The following USP26 variants were observed in gnomAD, a reference collection of about 807,000 sequenced individuals.
USP26 encodes ubiquitin specific peptidase 26.
For synonymous variants in USP26, 236 were observed against 240.6 expected (o/e 0.98, Z 0.18); for missense variants, 649 against 642.3 (o/e 1.01, Z -0.11).
intron 5 of USP26, among the ~76,000 whole-genome samples, chrX:133,083,478 G>A (rs189152448): frequency 2.0e-4 from 22 of 111,208 alleles, no homozygotes; most frequent in Non-Finnish European, 1.1e-4. Flanking sequence ...GTTGGGTTGT[G>A]GGTTTCCTGA....
At chrX:133,078,941 G>T (rs1363694686) in intron 5 of USP26, among the ~76,000 whole-genome samples, 1 of 112,121 alleles carries the variant, frequency 8.9e-6, no homozygotes, top group South Asian at 3.8e-4. Context: ...CAGGAAGAAA[G>T]AACCTGAAAA....
chrX:133,040,807 C>T, intron 5 of USP26, among the ~76,000 whole-genome samples: 1 of 111,435 alleles, frequency 9.0e-6, no homozygotes, highest in Middle Eastern at 4.7e-3. Context: ...GTTCCATTCT[C>T]CCTGTCACTT....
chrX:133,057,945 T>C, intron 5 of USP26, among the ~76,000 whole-genome samples: 1 of 83,408 alleles, frequency 1.2e-5, no homozygotes, highest in Middle Eastern at 6.0e-3. Context: ...TGGTGCGATC[T>C]TGGCTCACTG....
At position 133,023,312 on chromosome X, in the gene USP26, T is replaced by C. The variant is rs1393617232; in HGVS notation, c.*2167A>G. On this transcript the variant is annotated 3_prime_UTR_variant, in exon 6 of 6. Transcript: ENST00000511190. ...GATACCCCTACCATCTTCTTCACAT[T>C]TCATTTTGCCCTGCATTTGGAAGTG... Among the ~76,000 whole-genome samples the C allele has an allele frequency of 8.9e-6, 1 of 111,840 alleles. No homozygotes were observed. Among genetic ancestry groups the C allele is most frequent in the Non-Finnish European group, 1.9e-5 (1 of 53,161 alleles).
Position 133,025,710 on chromosome X carries a change from T to C in USP26, c.2511A>G (p.Leu837=), listed in dbSNP as rs2067343319. The change falls in exon 6 of 6, where the codon CTA becomes CTG. Residue 837 remains leucine, a synonymous_variant. Coordinates refer to ENST00000511190, the MANE Select transcript of USP26 (RefSeq NM_031907.3). ...CATCACAGATATAATGGCCTGACTT[T>C]AGAGTCTTCCCAAGATGGCTGACAA... The part of the protein sequence containing the change: ...ISVVSHLGKT[L]KSGHYICDAY... 1 of 1,211,770 alleles carries C rather than the reference T, an allele frequency of 8.3e-7. No individual in the cohort carries two copies. The highest frequency in any genetic ancestry group is 1.1e-6 in the Non-Finnish European group (1 of 895,445).
intron 5 of USP26, among the ~76,000 whole-genome samples, chrX:133,032,495 G>T (rs2067381207): frequency 8.9e-6 from 1 of 112,012 alleles, no homozygotes; most frequent in Non-Finnish European, 1.9e-5. Flanking sequence ...TTTTGTAAAA[G>T]AGCGGGAGAC....
At chrX:133,088,668 T>C (rs146703972) in intron 4 of USP26, among the ~76,000 whole-genome samples, 156 of 112,323 alleles carry the variant, frequency 1.4e-3, no homozygotes, top group African/African-American at 4.7e-3. Flanking sequence ...TTTCTACCTC[T>C]TGGGCTTATC....
rs375953836 is a variant in USP26, at chrX:133,058,053, A to AT, written c.-77+25653dup. Among the ~76,000 whole-genome samples, 252 of 97,899 alleles carry AT rather than the reference A, an allele frequency of 2.6e-3. 2 individuals carry two copies. Among genetic ancestry groups the AT allele is most frequent in the African/African-American group, 8.9e-3 (239 of 26,782 alleles). 85.0% of individuals were successfully genotyped at this position (97,899 alleles called of 115,157 possible). A position where few individuals can be genotyped will look rare whatever the true frequency, so the allele number is the denominator to read the frequency against. On this transcript the variant is annotated intron_variant, in intron 5 of 5. Transcript: ENST00000511190. ...CCACCATGCCTGGCTAATTTTTTGT[A>AT]TTTTTTTTCAGTAGAGACGGGGTTT...
At chrX:133,068,056 G>A (rs2067518154) in intron 5 of USP26, among the ~76,000 whole-genome samples, 4 of 112,197 alleles carry the variant, frequency 3.6e-5, no homozygotes, top group Non-Finnish European at 7.5e-5. Context: ...ATATACCATA[G>A]AATACTATGT....
At position 133,043,836 on chromosome X, in the gene USP26, G is replaced by A. The variant is rs61548764; in HGVS notation, c.-76-15540C>T. ...GGTGGGAGGATCAGTTCAGGAGGCC[G>A]AGGTGGCAGTGAGCCGTGATTGCAC... is the stretch of plus-strand genomic sequence containing the variant. On this transcript the variant is annotated intron_variant, in intron 5 of 5. Coordinates refer to ENST00000511190, the MANE Select transcript of USP26 (RefSeq NM_031907.3). 1.2e-3 allele frequency among the ~76,000 whole-genome samples: 130 copies of A among 112,065 alleles called. No homozygotes were observed. In the East Asian group the frequency reaches 0.031, roughly 26 times the overall value.
At chrX:133,078,609 G>A (rs1003048708) in intron 5 of USP26, among the ~76,000 whole-genome samples, 2 of 111,926 alleles carry the variant, frequency 1.8e-5, no homozygotes, top group Non-Finnish European at 3.8e-5. Context: ...ATTGCACTTA[G>A]GTAGAAAGGC....
chrX:133,051,213 C>T (rs961366353), intron 5 of USP26, among the ~76,000 whole-genome samples: 4 of 111,340 alleles, frequency 3.6e-5, no homozygotes, highest in African/African-American at 1.3e-4. Context: ...AAGACAGACA[C>T]GTTTAGAAGG....
chrX:133,045,423 G>A (rs138148983), intron 5 of USP26, among the ~76,000 whole-genome samples: 3,843 of 111,985 alleles, frequency 0.034, 98 homozygotes, highest in East Asian at 0.1. Flanking sequence ...CAGGCTGCCC[G>A]AGCCAGCAGT....
intron 5 of USP26, among the ~76,000 whole-genome samples, chrX:133,081,599 T>A (rs1296446734): frequency 8.9e-6 from 1 of 112,117 alleles, no homozygotes; most frequent in African/African-American, 3.2e-5. Context: ...CCCGGCTATG[T>A]CACTTTAATA....
At chrX:133,032,229 G>A (rs1395031704) in intron 5 of USP26, among the ~76,000 whole-genome samples, 2 of 111,615 alleles carry the variant, frequency 1.8e-5, no homozygotes, top group Admixed American at 9.5e-5. Flanking sequence ...CAAAGTTAGA[G>A]GAACTGAATT....
intron 5 of USP26, among the ~76,000 whole-genome samples, chrX:133,047,666 G>A (rs745779832): frequency 1.8e-5 from 2 of 111,743 alleles, no homozygotes; most frequent in African/African-American, 6.5e-5. Context: ...GTAGAAGGAG[G>A]TGTGGTTTGG....
chrX:133,046,461 T>C (rs186533679), intron 5 of USP26, among the ~76,000 whole-genome samples: 137 of 112,003 alleles, frequency 1.2e-3, no homozygotes, highest in African/African-American at 4.2e-3. Context: ...AATTTGTCCA[T>C]TGTTTTTAAA....
chrX:133,060,197 G>A (rs899099305), intron 5 of USP26, among the ~76,000 whole-genome samples: 1 of 110,015 alleles, frequency 9.1e-6, no homozygotes, highest in Non-Finnish European at 1.9e-5. Flanking sequence ...GCTGTAGCAG[G>A]AGACAGTGTG....
chrX:133,076,781 A>G, intron 5 of USP26, among the ~76,000 whole-genome samples: 1 of 111,866 alleles, frequency 8.9e-6, no homozygotes, highest in Non-Finnish European at 1.9e-5. Context: ...TCTTGGAAGC[A>G]GATCTTCCTC....
Sources: allele counts gnomAD v4.1 joint callset (sites outside exome capture counted in the v4.1 genomes callset), GRCh38; gene constraint gnomAD v4.1.1; transcripts MANE v1.5; gene names NCBI Gene and HGNC (gene_info 2026-07-23, HGNC 2026-07-21).